The following SEMA3E variants were observed in gnomAD, a reference collection of about 807,000 sequenced individuals.
The protein encoded by SEMA3E is semaphorin-3E.
Under a neutral mutation model 93.6 loss-of-function variants are expected in SEMA3E, and 49 were observed. The ratio of observed to expected loss-of-function variants is 0.52; its 90% CI spans 0.42 to 0.66. The LOEUF (loss-of-function observed/expected upper bound fraction) is 0.66. Ranked by LOEUF, SEMA3E falls within the 30% of genes least tolerant of loss-of-function variation. SEMA3E has a pLI of 0.00. For synonymous variants in SEMA3E, 363 were observed against 330.7 expected, an observed-to-expected ratio of 1.10 and a Z score of -1.06; for missense variants, 906 against 964.8, an observed-to-expected ratio of 0.94 and a Z score of 0.81.
intron 4 of SEMA3E, among the ~76,000 whole-genome samples, chr7:83,456,279 A>G (rs191515647): frequency 2.6e-5 from 4 of 152,212 alleles, no homozygotes; most frequent in Admixed American, 1.3e-4. Flanking sequence ...CATAATTTCC[A>G]TTTTCTTTGA....
At chr7:83,409,805 G>A (rs1434558410) in intron 5 of SEMA3E, among the ~76,000 whole-genome samples, 1 of 151,162 alleles carries the variant, frequency 6.6e-6, no homozygotes, top group Non-Finnish European at 1.5e-5. Flanking sequence ...TATTTATGAA[G>A]GACTTTTTTC....
intron 4 of SEMA3E, among the ~76,000 whole-genome samples, chr7:83,464,315 A>G (rs1038235644): frequency 1.3e-5 from 2 of 151,650 alleles, no homozygotes; most frequent in African/African-American, 4.8e-5. Context: ...GCTCCTGTAT[A>G]GACGCTCCTT....
At chr7:83,504,639 T>C (rs748787675) in intron 1 of SEMA3E, among the ~76,000 whole-genome samples, 25 of 152,204 alleles carry the variant, frequency 1.6e-4, no homozygotes, top group Non-Finnish European at 3.1e-4. Context: ...GTGACTAAGC[T>C]GCTAACCAAA....
chr7:83,583,119 A>G (rs534106305), intron 1 of SEMA3E, among the ~76,000 whole-genome samples: 21 of 152,294 alleles, frequency 1.4e-4, no homozygotes, highest in Non-Finnish European at 2.9e-4. Flanking sequence ...TTGTTTAATC[A>G]AGTGATATAG....
chr7:83,437,461 A>T (rs1040132552), intron 4 of SEMA3E, among the ~76,000 whole-genome samples: 1 of 152,106 alleles, frequency 6.6e-6, no homozygotes, highest in African/African-American at 2.4e-5. Context: ...TAAAATTTTA[A>T]AGAAAAAAAT....
rs1391591637 is a variant in SEMA3E at position 83,405,522 on chromosome 7, GA to G, written c.929-4del. On this transcript the variant is annotated splice_region_variant and splice_polypyrimidine_tract_variant and intron_variant, in intron 8 of 16. Transcript: ENST00000643230. ...GGTAGGTAGCAAAAAAACGTCCTCT[GA>G]AAAATTAAAGGCCATTCCATCGCTT... is the stretch of plus-strand genomic sequence containing the variant. 8.1e-6 allele frequency: 13 copies of G among 1,612,532 alleles called. No individual in the cohort carries two copies. Among genetic ancestry groups the G allele is most frequent in the Non-Finnish European group, 1.0e-5 (12 of 1,178,936 alleles).
chr7:83,535,762 A>G (rs1180105763), intron 1 of SEMA3E, among the ~76,000 whole-genome samples: 1 of 152,180 alleles, frequency 6.6e-6, no homozygotes, highest in African/African-American at 2.4e-5. Context: ...AGAAAATTAG[A>G]AAGATCTTCA....
At chr7:83,633,855 G>A (rs989117583) in intron 1 of SEMA3E, among the ~76,000 whole-genome samples, 9 of 152,168 alleles carry the variant, frequency 5.9e-5, no homozygotes, top group Admixed American at 4.6e-4. Context: ...AGTCCCAGAA[G>A]TGAAAAGCAG....
chr7:83,385,387 C>A lies in SEMA3E; in HGVS notation c.1782G>T (p.Glu594Asp), dbSNP rs1179285530. Residue 594 changes from glutamate to aspartate, a missense_variant, in exon 16 of 17, where the codon GAG (glutamate) becomes GAT (aspartate). Glu to Asp is a conservative substitution (Grantham distance 45). Transcript: ENST00000643230. ...KTEEHLAYGIENNSTLLECTP... is the reference protein window; with the variant it reads ...KTEEHLAYGIDNNSTLLECTP... ...TACATTCCAGCAAAGTACTGTTGTTCTCTATGCCATAAGCCAGATGTTCTT... is the reference window on the plus strand; with the variant it reads ...TACATTCCAGCAAAGTACTGTTGTTATCTATGCCATAAGCCAGATGTTCTT... 1 of 1,613,422 alleles carries A rather than the reference C, an allele frequency of 6.2e-7. No individual in the cohort carries two copies. Among genetic ancestry groups the A allele is most frequent in the Non-Finnish European group, 8.5e-7 (1 of 1,179,642 alleles).
At chr7:83,396,782 T>G (rs1466417039) in intron 11 of SEMA3E, 53 bp from the exon 12 acceptor site, 1 of 1,216,152 alleles carries the variant, frequency 8.2e-7, no homozygotes, top group East Asian at 2.6e-5. Context: ...CAGTACGGTT[T>G]TCAAAAAAAC....
chr7:83,453,558 T>G (rs192758563), intron 4 of SEMA3E, among the ~76,000 whole-genome samples: 7 of 152,054 alleles, frequency 4.6e-5, no homozygotes, highest in African/African-American at 1.4e-4. Context: ...AATGAAAAAC[T>G]CATAGACTGA....
intron 1 of SEMA3E, among the ~76,000 whole-genome samples, chr7:83,605,116 G>C (rs968669298): frequency 6.6e-6 from 1 of 152,126 alleles, no homozygotes; most frequent in South Asian, 2.1e-4. Flanking sequence ...CTTTATACTA[G>C]AATGATTTAA....
intron 1 of SEMA3E, among the ~76,000 whole-genome samples, chr7:83,634,510 G>A (rs1290792349): frequency 6.6e-6 from 1 of 152,036 alleles, no homozygotes. Flanking sequence ...ACAGTGCCCA[G>A]TACATAACTT....
intron 1 of SEMA3E, among the ~76,000 whole-genome samples, chr7:83,640,210 C>T (rs1238432757): frequency 6.6e-6 from 1 of 152,062 alleles, no homozygotes; most frequent in African/African-American, 2.4e-5. Context: ...CTAAAATCAC[C>T]CCTGGGACTT....
chr7:83,368,144 A>G (rs959161814), intron 16 of SEMA3E, 106 bp from the exon 17 acceptor site: 123 of 967,746 alleles, frequency 1.3e-4, no homozygotes, highest in Non-Finnish European at 1.5e-4. Flanking sequence ...TCACTGTCAC[A>G]TAATGAAACC....
intron 1 of SEMA3E, among the ~76,000 whole-genome samples, chr7:83,549,438 T>C (rs1791715510): frequency 6.6e-6 from 1 of 152,164 alleles, no homozygotes; most frequent in South Asian, 2.1e-4. Context: ...TTGACATTTG[T>C]CACTATTTTC....
chr7:83,404,706 C>G (rs1788294566), intron 9 of SEMA3E, among the ~76,000 whole-genome samples: 1 of 151,754 alleles, frequency 6.6e-6, no homozygotes, highest in African/African-American at 2.4e-5. Context: ...ACTTGAGCAG[C>G]AAATTTAAAA....
At chr7:83,517,403 G>C (rs1432323186) in intron 1 of SEMA3E, among the ~76,000 whole-genome samples, 1 of 152,130 alleles carries the variant, frequency 6.6e-6, no homozygotes, top group Non-Finnish European at 1.5e-5. Flanking sequence ...AGAAGAAAAG[G>C]TATTCACATT....
At chr7:83,493,696 T>G (rs2115570084) in intron 1 of SEMA3E, among the ~76,000 whole-genome samples, 1 of 152,072 alleles carries the variant, frequency 6.6e-6, no homozygotes, top group Admixed American at 6.6e-5. Context: ...CCTAAGACAT[T>G]AAGACTTGTC....
Sources: gnomAD v4.1 joint callset for allele counts (sites outside exome capture counted in the v4.1 genomes callset) on GRCh38, gnomAD v4.1.1 for gene constraint, MANE v1.5 for transcripts, NCBI Gene and HGNC (gene_info 2026-07-23, HGNC 2026-07-21) for gene names.